Variants in ERBB4 observed in about 807,000 individuals in gnomAD.
ERBB4 encodes receptor tyrosine-protein kinase erbB-4.
Under a neutral mutation model 158.0 loss-of-function variants are expected in ERBB4, and 42 were observed. The ratio of observed to expected loss-of-function variants is 0.27; its 90% CI spans 0.21 to 0.34. The LOEUF (loss-of-function observed/expected upper bound fraction) is 0.34, where lower values mean the gene tolerates loss of function less well. Among genes scored for constraint, ERBB4 ranks in the 10% least tolerant of loss-of-function variants. The probability of loss-of-function intolerance (pLI) is 1.00; values close to 1 mark genes in which losing one functional copy is unlikely to be tolerated. For missense variants in ERBB4, 1,333 were observed against 1,624.1 expected, an observed-to-expected ratio of 0.82 and a Z score of 3.08; for synonymous variants, 583 against 558.7, an observed-to-expected ratio of 1.04 and a Z score of -0.61.
intron 1 of ERBB4, among the ~76,000 whole-genome samples, chr2:212,348,055 C>A (rs989196912): frequency 6.6e-6 from 1 of 151,894 alleles, no homozygotes; most frequent in Non-Finnish European, 1.5e-5. Flanking sequence ...TGCTTAGTGT[C>A]AAGAAACAGT....
At chr2:211,547,201 T>A (rs1321868722) in intron 20 of ERBB4, among the ~76,000 whole-genome samples, 1 of 152,100 alleles carries the variant, frequency 6.6e-6, no homozygotes, top group African/African-American at 2.4e-5. Flanking sequence ...AAATCTCTCT[T>A]TAAATTTTTG....
At chr2:211,706,286 T>C (rs1483206394) in intron 9 of ERBB4, among the ~76,000 whole-genome samples, 1 of 152,166 alleles carries the variant, frequency 6.6e-6, no homozygotes, top group Non-Finnish European at 1.5e-5. Context: ...ACTGTGGACA[T>C]CTCTTCTTTT....
intron 3 of ERBB4, among the ~76,000 whole-genome samples, chr2:211,941,733 T>C (rs989964328): frequency 6.0e-5 from 9 of 151,172 alleles, no homozygotes; most frequent in African/African-American, 1.9e-4. Context: ...TTTTTTTTTT[T>C]TGTCTAAACA....
At chr2:212,066,552 T>C (rs1291197941) in intron 2 of ERBB4, among the ~76,000 whole-genome samples, 1 of 152,046 alleles carries the variant, frequency 6.6e-6, no homozygotes, top group East Asian at 1.9e-4. Flanking sequence ...TTAATATGTG[T>C]TTCAGAATTA....
chr2:211,945,134 A>C (rs1039695335), intron 3 of ERBB4, among the ~76,000 whole-genome samples: 1 of 152,174 alleles, frequency 6.6e-6, no homozygotes, highest in South Asian at 2.1e-4. Flanking sequence ...TTGTTGCTTT[A>C]ATCGGGTTAC....
At chr2:212,286,087 C>T (rs1230869872) in intron 1 of ERBB4, among the ~76,000 whole-genome samples, 2 of 151,992 alleles carry the variant, frequency 1.3e-5, no homozygotes, top group African/African-American at 2.4e-5. Flanking sequence ...TGAGTGTCTC[C>T]TCATAATCAC....
intron 14 of ERBB4, among the ~76,000 whole-genome samples, chr2:211,666,223 A>G (rs898589384): frequency 2.0e-5 from 3 of 152,158 alleles, no homozygotes; most frequent in Non-Finnish European, 2.9e-5. Context: ...TCACAGAACA[A>G]TACTGAAAGC....
At chr2:211,652,098 A>T (rs1382656139) in intron 16 of ERBB4, among the ~76,000 whole-genome samples, 2 of 152,194 alleles carry the variant, frequency 1.3e-5, no homozygotes. Flanking sequence ...CCACTTTTGC[A>T]ACTTTGTGAC....
intron 1 of ERBB4, among the ~76,000 whole-genome samples, chr2:212,396,481 T>C (rs1383983405): frequency 1.3e-5 from 2 of 152,160 alleles, no homozygotes; most frequent in Non-Finnish European, 2.9e-5. Context: ...AAAAGGGGGA[T>C]AATCAAGATA....
chr2:211,474,083 T>C (rs2064896176), intron 20 of ERBB4, among the ~76,000 whole-genome samples: 1 of 152,042 alleles, frequency 6.6e-6, no homozygotes, highest in Admixed American at 6.6e-5. Context: ...AATCTATTTT[T>C]CTTTGTCTTT....
intron 5 of ERBB4, among the ~76,000 whole-genome samples, chr2:211,729,165 T>A (rs2106146019): frequency 6.6e-6 from 1 of 151,944 alleles, no homozygotes; most frequent in South Asian, 2.1e-4. Flanking sequence ...ATATTTAATA[T>A]TTTTTCAGGA....
intron 19 of ERBB4, among the ~76,000 whole-genome samples, chr2:211,597,017 C>CCAA (rs2068653731): frequency 6.6e-6 from 1 of 152,120 alleles, no homozygotes; most frequent in Non-Finnish European, 1.5e-5. Context: ...CCACCTGCCT[C>CCAA]CAATTCCCAA....
chr2:212,132,606 T>G (rs1193910398), intron 1 of ERBB4, among the ~76,000 whole-genome samples: 1 of 152,098 alleles, frequency 6.6e-6, no homozygotes, highest in Admixed American at 6.6e-5. Context: ...GGTTCTTAAG[T>G]CTTCATATCC....
At chr2:211,789,617 G>T (rs891980773) in intron 3 of ERBB4, among the ~76,000 whole-genome samples, 2 of 152,096 alleles carry the variant, frequency 1.3e-5, no homozygotes, top group African/African-American at 2.4e-5. Flanking sequence ...TAACTATTGA[G>T]GTGGAAATAT....
chr2:212,130,830 C>T (rs2080087610), intron 1 of ERBB4, among the ~76,000 whole-genome samples: 1 of 152,232 alleles, frequency 6.6e-6, no homozygotes, highest in African/African-American at 2.4e-5. Flanking sequence ...GCAAGGAAAG[C>T]AGTGAGCAGT....
chr2:212,353,146 T>G (rs1011233967), intron 1 of ERBB4, among the ~76,000 whole-genome samples: 3 of 152,004 alleles, frequency 2.0e-5, no homozygotes, highest in Non-Finnish European at 4.4e-5. Context: ...ATAATTGTTT[T>G]TGTTAGGCTT....
chr2:211,381,150 G>A lies in ERBB4; in HGVS notation c.*2465C>T. 1 of 232,328 alleles carries A rather than the reference G, an allele frequency of 4.3e-6. No homozygotes were observed. Among genetic ancestry groups the A allele is most frequent in the Non-Finnish European group, 8.5e-6 (1 of 117,510 alleles). 14.4% of individuals were successfully genotyped at this position (232,328 alleles called of 1,614,324 possible). On this transcript the variant is annotated 3_prime_UTR_variant, in exon 28 of 28. Coordinates refer to ENST00000342788, the MANE Select transcript of ERBB4 (RefSeq NM_005235.3). ...CACTCTGTGTCTTTACCCCTGAAAAGTTTGAGGGTGAACTTCACTAGAAGG... is the reference window on the plus strand; with the variant it reads ...CACTCTGTGTCTTTACCCCTGAAAAATTTGAGGGTGAACTTCACTAGAAGG...
chr2:212,390,558 G>A (rs73060377), intron 1 of ERBB4, among the ~76,000 whole-genome samples: 3,765 of 151,718 alleles, frequency 0.025, 171 homozygotes, highest in African/African-American at 0.085. Context: ...TAGTGACCTA[G>A]ATGCTAGAAA....
chr2:211,765,912 C>T (rs189237678), intron 4 of ERBB4, among the ~76,000 whole-genome samples: 25 of 152,120 alleles, frequency 1.6e-4, no homozygotes, highest in Non-Finnish European at 2.4e-4. Context: ...TGAATTGATG[C>T]CACAGAAAAT....
Sources: gnomAD v4.1 joint callset for allele counts (sites outside exome capture counted in the v4.1 genomes callset) on GRCh38, gnomAD v4.1.1 for gene constraint, MANE v1.5 for transcripts, NCBI Gene and HGNC (gene_info 2026-07-23, HGNC 2026-07-21) for gene names.